Variants in ATAD2B observed in about 807,000 individuals in gnomAD.
The protein encoded by ATAD2B is ATPase family AAA domain-containing protein 2B.
In ATAD2B, 40 loss-of-function variants were observed where a neutral mutation model predicts 167.6. The ratio of observed to expected loss-of-function variants is 0.24; its 90% CI spans 0.19 to 0.31. The LOEUF (loss-of-function observed/expected upper bound fraction) is 0.31, where lower values mean the gene tolerates loss of function less well. Among genes scored for constraint, ATAD2B ranks in the 10% least tolerant of loss-of-function variants. ATAD2B has a pLI of 1.00. For synonymous variants in ATAD2B, 579 were observed against 596.5 expected (o/e 0.97, Z 0.43); for missense variants, 1,242 against 1,757.2 (o/e 0.71, Z 5.24).
At chr2:23,691,909 G>C in the ATAD2B span, 1 of 1,539,048 alleles carries the variant, frequency 6.5e-7, no homozygotes, top group East Asian at 2.4e-5. Context: ...TCGCTTGGGG[G>C]GAAGAGTGCA....
chr2:23,792,553 A>G (rs1681923751), intron 19 of ATAD2B, among the ~76,000 whole-genome samples: 1 of 152,142 alleles, frequency 6.6e-6, no homozygotes, highest in South Asian at 2.1e-4. Flanking sequence ...TTTCATAAAT[A>G]AAATTTGCTT....
intron 11 of ATAD2B, 59 bp from the exon 12 acceptor site, chr2:23,863,614 AT>A: frequency 7.2e-7 from 1 of 1,389,778 alleles, no homozygotes; most frequent in Non-Finnish European, 9.7e-7. Context: ...CTGATAACCA[AT>A]TTTAAAAAAT....
intron 6 of ATAD2B, among the ~76,000 whole-genome samples, chr2:23,884,420 T>C (rs530519071): frequency 3.2e-4 from 49 of 152,208 alleles, no homozygotes; most frequent in African/African-American, 1.1e-3. Context: ...AGGCCACGGA[T>C]AGCAAAGTAA....
At chr2:23,752,461 A>G (rs542380338) in intron 27 of ATAD2B, among the ~76,000 whole-genome samples, 1 of 150,172 alleles carries the variant, frequency 6.7e-6, no homozygotes, top group African/African-American at 2.4e-5. Context: ...TATAAAATAC[A>G]TAAATATAAG....
At chr2:23,822,039 C>G (rs1325847586) in intron 16 of ATAD2B, among the ~76,000 whole-genome samples, 1 of 152,194 alleles carries the variant, frequency 6.6e-6, no homozygotes, top group Non-Finnish European at 1.5e-5. Flanking sequence ...TCAAGATCCT[C>G]TAAAATGAGG....
chr2:23,729,833 A>G, the ATAD2B span, among the ~76,000 whole-genome samples: 1 of 152,244 alleles, frequency 6.6e-6, no homozygotes, highest in African/African-American at 2.4e-5. Flanking sequence ...AAAATGTTCA[A>G]TTCACCAAGA....
chr2:23,842,434 G>C (rs564207734), intron 13 of ATAD2B, among the ~76,000 whole-genome samples: 2 of 152,222 alleles, frequency 1.3e-5, no homozygotes, highest in Admixed American at 1.3e-4. Flanking sequence ...TGACATTTCT[G>C]GTGAGTAAAC....
the ATAD2B span, among the ~76,000 whole-genome samples, chr2:23,724,770 A>T: frequency 2.0e-5 from 3 of 152,164 alleles, no homozygotes; most frequent in Non-Finnish European, 4.4e-5. Flanking sequence ...GAGGCTGGGC[A>T]CGGTGGCTCA....
the ATAD2B span, among the ~76,000 whole-genome samples, chr2:23,727,343 A>C: frequency 6.6e-6 from 1 of 152,198 alleles, no homozygotes; most frequent in African/African-American, 2.4e-5. Flanking sequence ...ATATGTCATT[A>C]GGGAATTACA....
At chr2:23,912,192 A>C (rs1290179396) in intron 1 of ATAD2B, among the ~76,000 whole-genome samples, 1 of 152,172 alleles carries the variant, frequency 6.6e-6, no homozygotes, top group Non-Finnish European at 1.5e-5. Context: ...AGAAGTAATT[A>C]ACAAAACTAT....
At chr2:23,856,809 G>A (rs1483985418) in intron 13 of ATAD2B, among the ~76,000 whole-genome samples, 7 of 151,866 alleles carry the variant, frequency 4.6e-5, no homozygotes, top group African/African-American at 9.7e-5. Context: ...GCAGTGAGCC[G>A]CGATTACGCC....
downstream of ATAD2B, among the ~76,000 whole-genome samples, chr2:23,746,261 C>G (rs144492974): frequency 6.6e-6 from 1 of 152,338 alleles, no homozygotes; most frequent in African/African-American, 2.4e-5. Flanking sequence ...TGGAGCCAAA[C>G]TGCCTACATT....
At chr2:23,924,755 CAA>C (rs1704471636) in intron 1 of ATAD2B, among the ~76,000 whole-genome samples, 1 of 152,192 alleles carries the variant, frequency 6.6e-6, no homozygotes, top group African/African-American at 2.4e-5. Context: ...TACCCTTCTA[CAA>C]AGAGCTCTCA....
the ATAD2B span, among the ~76,000 whole-genome samples, chr2:23,739,995 A>C: frequency 6.6e-6 from 1 of 152,228 alleles, no homozygotes; most frequent in Non-Finnish European, 1.5e-5. Context: ...CCCAAGACTA[A>C]ACCAGGAAGA....
At chr2:23,741,512 G>A in the ATAD2B span, among the ~76,000 whole-genome samples, 1 of 152,096 alleles carries the variant, frequency 6.6e-6, no homozygotes, top group African/African-American at 2.4e-5. Flanking sequence ...GTAGAAAGCT[G>A]AAACTGGATC....
At chr2:23,886,769 A>C (rs1698722229) in intron 4 of ATAD2B, among the ~76,000 whole-genome samples, 1 of 151,242 alleles carries the variant, frequency 6.6e-6, no homozygotes, top group Non-Finnish European at 1.5e-5. Context: ...ATCTCTACTA[A>C]AAATACAAAA....
chr2:23,791,226 TACA>T (rs755154049), intron 19 of ATAD2B, among the ~76,000 whole-genome samples: 2 of 152,230 alleles, frequency 1.3e-5, no homozygotes, highest in Non-Finnish European at 2.9e-5. Context: ...CTAGTATGAG[TACA>T]ACAACTAGAA....
At chr2:23,820,428 T>G (rs574087280) in intron 16 of ATAD2B, among the ~76,000 whole-genome samples, 1 of 152,286 alleles carries the variant, frequency 6.6e-6, no homozygotes, top group African/African-American at 2.4e-5. Flanking sequence ...ATTCTCTCTG[T>G]GGGCCTTAGG....
intron 24 of ATAD2B, among the ~76,000 whole-genome samples, chr2:23,759,897 T>C (rs777272537): frequency 3.3e-5 from 5 of 152,238 alleles, no homozygotes; most frequent in Non-Finnish European, 7.3e-5. Context: ...GCTCTGACTC[T>C]GCAAGTTAGC....
Sources: allele counts gnomAD v4.1 joint callset (sites outside exome capture counted in the v4.1 genomes callset), GRCh38; gene constraint gnomAD v4.1.1; transcripts MANE v1.5; gene names NCBI Gene and HGNC (gene_info 2026-07-23, HGNC 2026-07-21).